Variants in PJA2 observed in about 807,000 individuals in gnomAD.
PJA2 encodes the protein praja ring finger ubiquitin ligase 2.
PJA2 carries 25 observed loss-of-function variants against 69.3 expected under a neutral mutation model. The ratio of observed to expected loss-of-function variants is 0.36; its 90% confidence interval spans 0.26 to 0.50. The LOEUF is 0.50. Ranked by LOEUF, PJA2 falls within the 20% of genes least tolerant of loss-of-function variation. PJA2 has a pLI of 0.96. For synonymous variants in PJA2, 308 were observed against 277.8 expected (o/e 1.11, Z -1.08); for missense variants, 809 against 830.2 (o/e 0.97, Z 0.31).
At chr5:109,365,306 G>T (rs1364727037) in intron 5 of PJA2, among the ~76,000 whole-genome samples, 13 of 152,088 alleles carry the variant, frequency 8.5e-5, no homozygotes, top group Non-Finnish European at 1.5e-5. Context: ...AAACAAGGTA[G>T]AACTATGCAG....
At chr5:109,363,556 C>T (rs1762533381) in intron 5 of PJA2, among the ~76,000 whole-genome samples, 1 of 152,164 alleles carries the variant, frequency 6.6e-6, no homozygotes, top group Non-Finnish European at 1.5e-5. Context: ...CTAAAATGTT[C>T]TTGCACTGAA....
In PJA2 at chr5:109,367,143, A is replaced by AATATAT. The variant is rs1554054261; in HGVS notation, c.1469+1412_1469+1417dup. Among the ~76,000 whole-genome samples, 8 of 143,200 alleles carry AATATAT rather than the reference A, an allele frequency of 5.6e-5. 1 individual carries two copies. In the South Asian group the frequency reaches 8.7e-4, roughly 16 times the overall value. The allele number at this position is 143,200 out of a possible 152,430, so 93.9% of individuals were successfully genotyped here. A position where few individuals can be genotyped will look rare whatever the true frequency, so the allele number is the denominator to read the frequency against. The stretch of plus-strand genomic sequence containing the variant: ...AGCAAGACTCCGTCTCAAAAAAAAA[A>AATATAT]ATATATATATATATATATATATCTA... On this transcript the variant is annotated intron_variant, in intron 5 of 9. Transcript: ENST00000361189.
intron 1 of PJA2, among the ~76,000 whole-genome samples, chr5:109,399,381 A>T (rs1747489100): frequency 6.6e-6 from 1 of 152,164 alleles, no homozygotes; most frequent in Non-Finnish European, 1.5e-5. Flanking sequence ...AGCATCAAGA[A>T]ACAACAGTCT....
At chr5:109,351,089 C>A (rs754841362) in intron 7 of PJA2, among the ~76,000 whole-genome samples, 8 of 145,464 alleles carry the variant, frequency 5.5e-5, no homozygotes. Context: ...AGTAACAAAT[C>A]TTTTGGGTGG....
intron 1 of PJA2, among the ~76,000 whole-genome samples, chr5:109,405,445 T>C (rs1040803241): frequency 1.3e-5 from 2 of 152,180 alleles, no homozygotes; most frequent in Non-Finnish European, 2.9e-5. Flanking sequence ...ACGGTAAAGT[T>C]AGAATAGCCA....
chr5:109,341,968 T>C (rs1479920990), intron 9 of PJA2, among the ~76,000 whole-genome samples: 40 of 98,182 alleles, frequency 4.1e-4, no homozygotes, highest in African/African-American at 4.6e-4. Context: ...GGAGCCCCTC[T>C]GCCCGGCCAG....
chr5:109,377,749 T>C (rs1354168029), intron 4 of PJA2, among the ~76,000 whole-genome samples: 2 of 152,088 alleles, frequency 1.3e-5, no homozygotes, highest in Non-Finnish European at 2.9e-5. Flanking sequence ...AACTTAGTGA[T>C]AGGAAGAGCC....
chr5:109,378,507 A>G lies in PJA2; in HGVS notation c.980T>C (p.Val327Ala). The part of the protein sequence containing the change: ...KVRKLISSSQ[V>A]DQETGFNRHE... ...CCTATTAAAACCTGTTTCTTGGTCC[A>G]CCTGGCTTGAACTTATCAGTTTTCT... The change falls in exon 4 of 10, where the codon GTG becomes GCG. Residue 327 changes from valine to alanine, a missense_variant. Val to Ala is a moderately conservative substitution (Grantham distance 64). Transcript: ENST00000361189. 2.5e-6 allele frequency: 4 copies of G among 1,614,136 alleles called. No individual in the cohort carries two copies. The highest frequency in any genetic ancestry group is 3.4e-6 in the Non-Finnish European group (4 of 1,180,020).
intron 2 of PJA2, 61 bp downstream of exon 2, chr5:109,383,341 AC>A: frequency 6.9e-7 from 1 of 1,456,214 alleles, no homozygotes; most frequent in East Asian, 2.3e-5. Context: ...ACTTACTGGT[AC>A]TCAAGGTACC....
chr5:109,359,589 C>A (rs1263096941), intron 6 of PJA2, among the ~76,000 whole-genome samples: 2 of 152,098 alleles, frequency 1.3e-5, no homozygotes, highest in Non-Finnish European at 2.9e-5. Flanking sequence ...TCATGACAGA[C>A]AAATACAACC....
At chr5:109,388,238 G>A (rs943923314) in intron 1 of PJA2, among the ~76,000 whole-genome samples, 4 of 152,110 alleles carry the variant, frequency 2.6e-5, no homozygotes, top group African/African-American at 9.7e-5. Flanking sequence ...AATACTGACC[G>A]TTCCTGACAA....
rs867801916 is a variant in PJA2, at chr5:109,401,048, T to G, written c.-88+8794A>C. 1.3e-4 allele frequency among the ~76,000 whole-genome samples: 20 copies of G among 152,088 alleles called. No homozygotes were observed. The South Asian group carries it at 3.7e-3, about 28-fold the overall frequency. Reference sequence around the variant, plus strand: ...GACACATGCCTGTAATCCCAGCACTTTGGGAGGCCAAGGAGGGCAGACCAC... The same window carrying G: ...GACACATGCCTGTAATCCCAGCACTGTGGGAGGCCAAGGAGGGCAGACCAC... On this transcript the variant is annotated intron_variant, in intron 1 of 9. Transcript: ENST00000361189.
At chr5:109,359,656 A>T (rs1372247907) in intron 6 of PJA2, among the ~76,000 whole-genome samples, 1 of 152,230 alleles carries the variant, frequency 6.6e-6, no homozygotes, top group Non-Finnish European at 1.5e-5. Context: ...CAGGGTTATG[A>T]AAAACAAAGA....
At chr5:109,372,696 G>A (rs1297893414) in intron 4 of PJA2, among the ~76,000 whole-genome samples, 17 of 151,650 alleles carry the variant, frequency 1.1e-4, no homozygotes, top group Admixed American at 9.2e-4. Flanking sequence ...ACCTGAGGTC[G>A]GGAGCTCGAG....
Position 109,337,114 on chromosome 5 carries a change from G to A in PJA2, c.*117C>T, listed in dbSNP as rs1385360762. On this transcript the variant is annotated 3_prime_UTR_variant, in exon 10 of 10. Transcript: ENST00000361189. ...AAGGTTAATATTCTTTCTAAACTAT[G>A]GCATATACTATATATAGCATTTTTA... The A allele has an allele frequency of 3.2e-6, 3 of 943,184 alleles. No individual in the cohort carries two copies. The highest frequency in any genetic ancestry group is 1.8e-5 in the African/African-American group (1 of 56,794). 58.4% of individuals were successfully genotyped at this position (943,184 alleles called of 1,614,324 possible).
rs1425115658 is a variant in PJA2 at position 109,335,944 on chromosome 5, C to G, written c.*1287G>C. 6.6e-6 allele frequency: 1 copy of G among 152,524 alleles called. No individual in the cohort carries two copies. The highest frequency in any genetic ancestry group is 1.5e-5 in the Non-Finnish European group (1 of 68,006). The allele number at this position is 152,524 out of a possible 1,614,324, so 9.4% of individuals were successfully genotyped here. ...TACAATATATGCAAAAATTAGAATG[C>G]AAGTGTTATGTTCCTTATATTTAAG... On this transcript the variant is annotated 3_prime_UTR_variant, in exon 10 of 10. Coordinates refer to ENST00000361189, the MANE Select transcript of PJA2 (RefSeq NM_014819.5).
intron 1 of PJA2, among the ~76,000 whole-genome samples, chr5:109,403,782 A>C (rs6594373): frequency 0.74 from 109,463 of 148,244 alleles, 41,696 homozygotes; most frequent in African/African-American, 0.92. Flanking sequence ...AAAAAAAAAA[A>C]AACTCTCTGC....
intron 4 of PJA2, among the ~76,000 whole-genome samples, chr5:109,375,464 C>T (rs1448546015): frequency 4.6e-5 from 7 of 151,990 alleles, no homozygotes; most frequent in Non-Finnish European, 8.8e-5. Context: ...GCCGAGATCA[C>T]GCCACTGCAC....
At chr5:109,361,379 C>T (rs1266945306) in intron 6 of PJA2, among the ~76,000 whole-genome samples, 1 of 152,100 alleles carries the variant, frequency 6.6e-6, no homozygotes, top group Non-Finnish European at 1.5e-5. Context: ...AATCTTAGTG[C>T]CCCTATAGGA....
Sources: allele counts gnomAD v4.1 joint callset (sites outside exome capture counted in the v4.1 genomes callset), GRCh38; gene constraint gnomAD v4.1.1; transcripts MANE v1.5; gene names NCBI Gene and HGNC (gene_info 2026-07-23, HGNC 2026-07-21).